Variants in CDH4 observed in about 807,000 individuals in gnomAD.
The protein encoded by CDH4 is cadherin 4, also known as cadherin-4.
In CDH4, 33 loss-of-function variants were observed where a neutral mutation model predicts 86.0. The ratio of observed to expected loss-of-function variants is 0.38; its 90% CI spans 0.29 to 0.51. The LOEUF (loss-of-function observed/expected upper bound fraction) is 0.51. CDH4 is among the 20% of genes least tolerant of loss of function. The pLI is 0.86. For synonymous variants in CDH4, 555 were observed against 549.4 expected (o/e 1.01, Z -0.14); for missense variants, 1,114 against 1,307.4 (o/e 0.85, Z 2.28).
intron 7 of CDH4, among the ~76,000 whole-genome samples, chr20:61,880,810 G>A (rs1441499214): frequency 2.6e-5 from 4 of 152,230 alleles, no homozygotes; most frequent in Non-Finnish European, 5.9e-5. Flanking sequence ...GTGAGCTGGC[G>A]CCCACCACTG....
At chr20:61,899,301 GAA>G (rs1324716152) in intron 8 of CDH4, among the ~76,000 whole-genome samples, 1 of 151,636 alleles carries the variant, frequency 6.6e-6, no homozygotes, top group Non-Finnish European at 1.5e-5. Flanking sequence ...AAAAAGAAAA[GAA>G]GAGGGAGGTG....
At chr20:61,335,725 TC>T (rs1197967875) in intron 2 of CDH4, among the ~76,000 whole-genome samples, 2 of 152,166 alleles carry the variant, frequency 1.3e-5, no homozygotes, top group Non-Finnish European at 2.9e-5. Flanking sequence ...CCTGAACACT[TC>T]CCTGGCTCGG....
At chr20:61,611,183 A>G (rs1329219164) in intron 2 of CDH4, among the ~76,000 whole-genome samples, 1 of 151,602 alleles carries the variant, frequency 6.6e-6, no homozygotes, top group African/African-American at 2.4e-5. Flanking sequence ...CGGAGCTTTC[A>G]GCCCCAGCCC....
In CDH4 at chr20:61,709,847, C is replaced by A. The variant is rs1251435984; in HGVS notation, c.170-33716C>A. Among the ~76,000 whole-genome samples the A allele has an allele frequency of 2.0e-5, 3 of 152,150 alleles. No individual in the cohort carries two copies. The highest frequency in any genetic ancestry group is 7.2e-5 in the African/African-American group (3 of 41,434). On this transcript the variant is annotated intron_variant, in intron 2 of 15. Transcript: ENST00000614565. This position sits in a 1 kb window ranked among gnomAD's most constrained non-coding sequence, Gnocchi z 4.8. ...GCTAATTATTCTCATTTGTGTAGCA[C>A]CTTACACCTCTGTAGATGTTTTTCA...
chr20:61,588,419 C>T (rs547830810), intron 2 of CDH4, among the ~76,000 whole-genome samples: 1 of 152,280 alleles, frequency 6.6e-6, no homozygotes, highest in South Asian at 2.1e-4. Context: ...TTCTGTTCAG[C>T]TCGTACCAAG....
intron 4 of CDH4, among the ~76,000 whole-genome samples, chr20:61,777,875 T>G: frequency 6.7e-6 from 1 of 148,572 alleles, no homozygotes; most frequent in African/African-American, 2.5e-5. Context: ...CGCACGTGCA[T>G]ACTATACACA....
chr20:61,831,567 T>C (rs1723010031), intron 4 of CDH4, among the ~76,000 whole-genome samples: 1 of 152,252 alleles, frequency 6.6e-6, no homozygotes, highest in South Asian at 2.1e-4. Flanking sequence ...TCTGGTCTTA[T>C]GCTTCACCTG....
At position 61,545,309 on chromosome 20, in the gene CDH4, C is replaced by T. The variant is rs573861100; in HGVS notation, c.170-198254C>T. On this transcript the variant is annotated intron_variant, in intron 2 of 15. Coordinates refer to ENST00000614565, the MANE Select transcript of CDH4 (RefSeq NM_001794.5). ...CAACATGCGTACATTTGGGAAGTGGCGGTAAATTCCATGCAACGTCAATTA... is the reference window on the plus strand; with the variant it reads ...CAACATGCGTACATTTGGGAAGTGGTGGTAAATTCCATGCAACGTCAATTA... 5.4e-4 allele frequency among the ~76,000 whole-genome samples: 82 copies of T among 152,348 alleles called. 1 individual carries two copies. Among genetic ancestry groups the T allele is most frequent in the African/African-American group, 1.8e-3 (75 of 41,580 alleles).
At chr20:61,924,622 GC>G (rs1297146490) in intron 11 of CDH4, 146 bp downstream of exon 11, 2 of 838,306 alleles carry the variant, frequency 2.4e-6, no homozygotes, top group Non-Finnish European at 3.6e-6. Flanking sequence ...GGGCATCTGT[GC>G]AGACACCGGT....
intron 2 of CDH4, among the ~76,000 whole-genome samples, chr20:61,293,994 T>G (rs1284659060): frequency 6.6e-6 from 1 of 152,110 alleles, no homozygotes; most frequent in Non-Finnish European, 1.5e-5. Flanking sequence ...GGTCGTTTCC[T>G]TCTGTTTCAC....
At chr20:61,689,671 T>G (rs978899166) in intron 2 of CDH4, among the ~76,000 whole-genome samples, 5 of 151,170 alleles carry the variant, frequency 3.3e-5, no homozygotes, top group Admixed American at 1.3e-4. Flanking sequence ...GGACATTGTT[T>G]GGTGAAGTGA....
Position 61,556,028 on chromosome 20 carries a change from C to G in CDH4, c.170-187535C>G, listed in dbSNP as rs139873863. On this transcript the variant is annotated intron_variant, in intron 2 of 15. Coordinates refer to ENST00000614565, the MANE Select transcript of CDH4 (RefSeq NM_001794.5). ...AGCACGAAGCCGCCCTCTCTCTGCT[C>G]CGGTGCACCCCATGGTGGGCTCGCC... Among the ~76,000 whole-genome samples the G allele has an allele frequency of 6.3e-3, 966 of 152,284 alleles. 8 individuals are homozygous for G. The highest frequency in any genetic ancestry group is 0.022 in the African/African-American group (925 of 41,564).
At chr20:61,657,905 CAT>C (rs375485968) in intron 2 of CDH4, among the ~76,000 whole-genome samples, 8 of 152,064 alleles carry the variant, frequency 5.3e-5, no homozygotes, top group African/African-American at 1.9e-4. Context: ...GGGAAGGACA[CAT>C]GTGGAGTGAA....
At chr20:61,911,182 G>T (rs1018941546) in intron 9 of CDH4, among the ~76,000 whole-genome samples, 1 of 152,200 alleles carries the variant, frequency 6.6e-6, no homozygotes, top group Non-Finnish European at 1.5e-5. Context: ...AGTAGCTGTA[G>T]ATTTTGTCTT....
chr20:61,674,015 C>T (rs1002802068), intron 2 of CDH4, among the ~76,000 whole-genome samples: 1 of 152,178 alleles, frequency 6.6e-6, no homozygotes, highest in African/African-American at 2.4e-5. Context: ...CAAAAGAAGG[C>T]CTGATCGGGA....
chr20:61,356,078 T>C (rs2084748264), intron 2 of CDH4, among the ~76,000 whole-genome samples: 1 of 152,220 alleles, frequency 6.6e-6, no homozygotes, highest in African/African-American at 2.4e-5. Context: ...CATCTGGGCA[T>C]CCCGTGGAGG....
At chr20:61,901,927 G>A (rs567961369) in intron 8 of CDH4, among the ~76,000 whole-genome samples, 4 of 152,314 alleles carry the variant, frequency 2.6e-5, no homozygotes, top group East Asian at 1.9e-4. Flanking sequence ...AGTAAAGTTC[G>A]CAGTCGGCCG....
At chr20:61,601,267 T>C (rs2145744842) in intron 2 of CDH4, among the ~76,000 whole-genome samples, 1 of 152,222 alleles carries the variant, frequency 6.6e-6, no homozygotes, top group Admixed American at 6.5e-5. Flanking sequence ...CATGAGAGCT[T>C]ACTCACTGTG....
intron 2 of CDH4, among the ~76,000 whole-genome samples, chr20:61,389,807 A>G (rs979482250): frequency 6.6e-6 from 1 of 152,082 alleles, no homozygotes. Context: ...CCATAGCACC[A>G]TGTCTGGGAA....
Sources: gnomAD v4.1 joint callset for allele counts (sites outside exome capture counted in the v4.1 genomes callset) on GRCh38, gnomAD v4.1.1 for gene constraint, Gnocchi (gnomAD v3.1) non-coding constraint, MANE v1.5 for transcripts, NCBI Gene and HGNC (gene_info 2026-07-23, HGNC 2026-07-21) for gene names.